AFAP1: variants seen among roughly 807,000 people sequenced by gnomAD.
AFAP1 encodes the protein actin filament associated protein 1, also known as actin filament-associated protein 1.
In AFAP1, 75 loss-of-function variants were observed where a neutral mutation model predicts 93.9. That is an observed-to-expected ratio of 0.80 (90% CI 0.66 to 0.97). The LOEUF (loss-of-function observed/expected upper bound fraction) is 0.97. Ranked by LOEUF, AFAP1 falls within the 50% of genes least tolerant of loss-of-function variation. The pLI is 0.00. For synonymous variants in AFAP1, 517 were observed against 430.7 expected (o/e 1.20, Z -2.48); for missense variants, 1,201 against 1,050.8 (o/e 1.14, Z -1.98).
rs35666187 is a variant in AFAP1 at position 7,895,852 on chromosome 4, G to GTTTT, written c.-2-23776_-2-23773dup. 3.2e-4 allele frequency among the ~76,000 whole-genome samples: 35 copies of GTTTT among 110,590 alleles called. 1 individual carries two copies. The highest frequency in any genetic ancestry group is 4.3e-4 in the Non-Finnish European group (24 of 55,822). 72.6% of individuals were successfully genotyped at this position (110,590 alleles called of 152,430 possible). A position where few individuals can be genotyped will look rare whatever the true frequency, so the allele number is the denominator to read the frequency against. On this transcript the variant is annotated intron_variant, in intron 1 of 17. Coordinates refer to ENST00000420658, the MANE Select transcript of AFAP1 (RefSeq NM_001134647.2). ...CATGGAAGTGTGTGTTCTTCAGAAAGTTTTTTTTTTTTTTTTTTTTTTTAA... is the reference window on the plus strand; with the variant it reads ...CATGGAAGTGTGTGTTCTTCAGAAAGTTTTTTTTTTTTTTTTTTTTTTTTTTTAA...
At chr4:7,901,208 G>A (rs527400766) in intron 1 of AFAP1, among the ~76,000 whole-genome samples, 1 of 152,246 alleles carries the variant, frequency 6.6e-6, no homozygotes, top group Non-Finnish European at 1.5e-5. Flanking sequence ...GTGGCCATAT[G>A]CCTGTGCGTG....
At chr4:7,891,475 AT>A (rs1341665434) in intron 1 of AFAP1, among the ~76,000 whole-genome samples, 2 of 152,186 alleles carry the variant, frequency 1.3e-5, no homozygotes, top group Non-Finnish European at 2.9e-5. Flanking sequence ...ATCTAGGTAA[AT>A]AGAACTTTAA....
At chr4:7,847,324 C>T (rs1713823866) in intron 4 of AFAP1, among the ~76,000 whole-genome samples, 1 of 151,992 alleles carries the variant, frequency 6.6e-6, no homozygotes, top group African/African-American at 2.4e-5. Context: ...AGTGATGGTC[C>T]AATCAAGAGA....
In AFAP1 at chr4:7,829,279, G is replaced by C. The variant is rs146085447; in HGVS notation, c.726+9245C>G. On this transcript the variant is annotated intron_variant, in intron 6 of 17. Transcript: ENST00000420658. ...TACTGGCTCCCAAGTCCTTTTCCTG[G>C]CTGTGTTATATTATGCTGAACTTAA... is the stretch of plus-strand genomic sequence containing the variant. Among the ~76,000 whole-genome samples the C allele has an allele frequency of 2.1e-3, 315 of 152,216 alleles. 3 individuals are homozygous for C. Among genetic ancestry groups the C allele is most frequent in the Non-Finnish European group, 1.8e-3 (123 of 68,026 alleles).
chr4:7,846,538 G>T (rs993461915), intron 4 of AFAP1, among the ~76,000 whole-genome samples: 1 of 152,184 alleles, frequency 6.6e-6, no homozygotes, highest in Non-Finnish European at 1.5e-5. Context: ...AGCCCTCAGG[G>T]CTCGGCCCAC....
chr4:7,864,421 A>T (rs903316207), intron 3 of AFAP1, among the ~76,000 whole-genome samples: 2 of 152,232 alleles, frequency 1.3e-5, no homozygotes, highest in African/African-American at 4.8e-5. Context: ...ACTAGCCCAA[A>T]GCCAATTCAT....
At chr4:7,829,621 A>G (rs1425236640) in intron 6 of AFAP1, among the ~76,000 whole-genome samples, 2 of 152,246 alleles carry the variant, frequency 1.3e-5, no homozygotes, top group Middle Eastern at 3.2e-3. Context: ...AAAAATACTC[A>G]GTGTCATTCA....
intron 7 of AFAP1, among the ~76,000 whole-genome samples, 178 bp from the exon 8 acceptor site, chr4:7,816,277 G>A (rs966527030): frequency 1.3e-5 from 2 of 151,628 alleles, no homozygotes; most frequent in Non-Finnish European, 2.9e-5. Context: ...GGCCACAACC[G>A]CTTTAAAAAC....
At chr4:7,810,029 A>G (rs1719875332) in intron 8 of AFAP1, among the ~76,000 whole-genome samples, 1 of 151,938 alleles carries the variant, frequency 6.6e-6, no homozygotes, top group Admixed American at 6.6e-5. Context: ...GGCCTGGTTA[A>G]TTTTTGTACT....
At chr4:7,826,032 C>T (rs1401468539) in intron 6 of AFAP1, among the ~76,000 whole-genome samples, 4 of 151,378 alleles carry the variant, frequency 2.6e-5, no homozygotes, top group Non-Finnish European at 5.9e-5. Context: ...TGAACTAAAT[C>T]CTAAAAGTGA....
In AFAP1 at chr4:7,760,979, G is replaced by C. The variant is rs1352800106; in HGVS notation, c.*2786C>G. The C allele has an allele frequency of 2.0e-5, 3 of 152,340 alleles. No individual in the cohort carries two copies. Among genetic ancestry groups the C allele is most frequent in the Admixed American group, 6.5e-5 (1 of 15,306 alleles). The allele number at this position is 152,340 out of a possible 1,614,324, so 9.4% of individuals were successfully genotyped here. Reference sequence around the variant, plus strand: ...CTCCGGGGACCCTGGCCTGCCTGTCGGGCCTCTTGCCCTCAGCCTGGCTTC... The same window carrying C: ...CTCCGGGGACCCTGGCCTGCCTGTCCGGCCTCTTGCCCTCAGCCTGGCTTC... On this transcript the variant is annotated 3_prime_UTR_variant, in exon 18 of 18. Transcript: ENST00000420658.
intron 1 of AFAP1, among the ~76,000 whole-genome samples, chr4:7,895,050 G>A (rs1227373817): frequency 6.6e-6 from 1 of 152,214 alleles, no homozygotes; most frequent in African/African-American, 2.4e-5. Context: ...TAAGAACATC[G>A]TTGGTCTCAC....
At chr4:7,855,790 C>T (rs373052015) in intron 3 of AFAP1, among the ~76,000 whole-genome samples, 38 of 152,314 alleles carry the variant, frequency 2.5e-4, no homozygotes, top group South Asian at 2.1e-3. Flanking sequence ...GGCCACATGC[C>T]GTCCAGTTCA....
chr4:7,800,344 T>C, intron 10 of AFAP1, 98 bp downstream of exon 10: 1 of 1,277,136 alleles, frequency 7.8e-7, no homozygotes, highest in Non-Finnish European at 1.1e-6. Context: ...GTCAGCGAGA[T>C]GGGAGGAATT....
At position 7,831,682 on chromosome 4, in the gene AFAP1, TTAAC is replaced by T. The variant is rs143686826; in HGVS notation, c.726+6838_726+6841del. 4.5e-3 allele frequency among the ~76,000 whole-genome samples: 682 copies of T among 152,318 alleles called. 4 individuals carry two copies. The highest frequency in any genetic ancestry group is 0.015 in the African/African-American group (641 of 41,570). On this transcript the variant is annotated intron_variant, in intron 6 of 17. Transcript: ENST00000420658. ...CTGCTCTTCAGTGTGCAGGAAATACTTAACTAACTGTAAGGACAGAGGAGAAAAA... is the reference window on the plus strand; with the variant it reads ...CTGCTCTTCAGTGTGCAGGAAATACTTAACTGTAAGGACAGAGGAGAAAAA...
rs186809516 is a variant in AFAP1, at chr4:7,855,824, G to C, written c.226-250C>G. The stretch of plus-strand genomic sequence containing the variant: ...CACACCAAATCTCCAGGTTCGGTGT[G>C]TGCAGCAGTCTCACTGGAGCATCCA... On this transcript the variant is annotated intron_variant, in intron 3 of 17. Coordinates refer to ENST00000420658, the MANE Select transcript of AFAP1 (RefSeq NM_001134647.2). 2.0e-5 allele frequency among the ~76,000 whole-genome samples: 3 copies of C among 152,312 alleles called. No individual in the cohort carries two copies. In the East Asian group the frequency reaches 5.8e-4, roughly 29 times the overall value.
intron 9 of AFAP1, among the ~76,000 whole-genome samples, chr4:7,807,462 G>A (rs1453985751): frequency 6.6e-6 from 1 of 152,186 alleles, no homozygotes; most frequent in Non-Finnish European, 1.5e-5. Context: ...CTTCGGCAGG[G>A]TGGCCGCCCT....
intron 1 of AFAP1, among the ~76,000 whole-genome samples, chr4:7,934,814 A>G (rs567470275): frequency 6.6e-6 from 1 of 152,352 alleles, no homozygotes; most frequent in Non-Finnish European, 1.5e-5. Context: ...CAGGGCACTT[A>G]GAAACTGCAA....
At chr4:7,793,196 A>C (rs1718050890) in intron 11 of AFAP1, among the ~76,000 whole-genome samples, 1 of 152,086 alleles carries the variant, frequency 6.6e-6, no homozygotes, top group South Asian at 2.1e-4. Flanking sequence ...ATTTAAATTT[A>C]CAAAGTACTT....
Sources: allele counts gnomAD v4.1 joint callset (sites outside exome capture counted in the v4.1 genomes callset), GRCh38; gene constraint gnomAD v4.1.1; transcripts MANE v1.5; gene names NCBI Gene and HGNC (gene_info 2026-07-23, HGNC 2026-07-21).